Variants in ZNF480 observed in about 807,000 individuals in gnomAD.
ZNF480 encodes the protein zinc finger protein 480.
A neutral mutation model predicts 14.4 loss-of-function variants in ZNF480; 15 were observed. That is an observed-to-expected ratio of 1.04 (90% CI 0.70 to 1.60). ZNF480 has a LOEUF of 1.60. ZNF480 is among the 40% of genes most tolerant of loss of function. The pLI is 0.00. For missense variants in ZNF480, 593 were observed against 629.7 expected, an observed-to-expected ratio of 0.94 and a Z score of 0.62; for synonymous variants, 218 against 215.5, an observed-to-expected ratio of 1.01 and a Z score of -0.10.
At chr19:52,310,418 T>G (rs1983214650) in intron 2 of ZNF480, among the ~76,000 whole-genome samples, 1 of 152,156 alleles carries the variant, frequency 6.6e-6, no homozygotes, top group African/African-American at 2.4e-5. Flanking sequence ...GTTAAAATAA[T>G]TTTGTTAATT....
chr19:52,303,959 C>G (rs1982810955), intron 2 of ZNF480, among the ~76,000 whole-genome samples: 1 of 152,190 alleles, frequency 6.6e-6, no homozygotes, highest in Non-Finnish European at 1.5e-5. Context: ...TATAATTAAA[C>G]TGGCATGAGA....
intron 2 of ZNF480, among the ~76,000 whole-genome samples, chr19:52,312,521 G>A (rs1468946696): frequency 2.0e-5 from 3 of 152,086 alleles, no homozygotes; most frequent in Non-Finnish European, 4.4e-5. Context: ...TTTTTTCTTA[G>A]GTAATTGTCA....
intron 2 of ZNF480, among the ~76,000 whole-genome samples, chr19:52,308,194 C>A (rs774250501): frequency 1.3e-5 from 2 of 151,976 alleles, no homozygotes; most frequent in African/African-American, 4.8e-5. Context: ...TTCACCGTCA[C>A]CTCTCTGTAG....
intron 4 of ZNF480, among the ~76,000 whole-genome samples, 160 bp from the exon 5 acceptor site, chr19:52,321,419 T>C (rs1316503344): frequency 6.6e-6 from 1 of 152,192 alleles, no homozygotes; most frequent in African/African-American, 2.4e-5. Flanking sequence ...GTGCATCACC[T>C]TACCCTTTTC....
chr19:52,304,817 G>A (rs1002843648), intron 2 of ZNF480, among the ~76,000 whole-genome samples: 11 of 152,062 alleles, frequency 7.2e-5, no homozygotes, highest in Non-Finnish European at 4.4e-5. Context: ...ACAATTGGTT[G>A]GCTGGGTGTG....
chr19:52,297,467 C>T (rs1982458338), intron 1 of ZNF480, among the ~76,000 whole-genome samples: 1 of 151,864 alleles, frequency 6.6e-6, no homozygotes, highest in Admixed American at 6.6e-5. Flanking sequence ...GCGGAGTTTT[C>T]CTGTTTCAAG....
intron 2 of ZNF480, among the ~76,000 whole-genome samples, chr19:52,310,860 C>T (rs980485744): frequency 3.3e-5 from 5 of 151,004 alleles, no homozygotes; most frequent in African/African-American, 2.4e-5. Context: ...AAAAAATTAG[C>T]CGGGCATGGT....
intron 1 of ZNF480, among the ~76,000 whole-genome samples, chr19:52,299,954 G>C (rs1311384975): frequency 2.0e-5 from 3 of 152,218 alleles, no homozygotes; most frequent in Non-Finnish European, 4.4e-5. Flanking sequence ...GCATCCAATG[G>C]GGGTCTTGGG....
At chr19:52,316,177 T>A (rs1347264465) in intron 4 of ZNF480, among the ~76,000 whole-genome samples, 1 of 148,094 alleles carries the variant, frequency 6.8e-6, no homozygotes, top group Non-Finnish European at 1.5e-5. Context: ...GAGATCTTTC[T>A]TTCTCTCTCT....
intron 2 of ZNF480, among the ~76,000 whole-genome samples, chr19:52,305,863 AGAGTG>A (rs1448220149): frequency 3.3e-5 from 5 of 152,216 alleles, no homozygotes; most frequent in Non-Finnish European, 5.9e-5. Context: ...CATCAAACTT[AGAGTG>A]ACACTGATTA....
intron 2 of ZNF480, among the ~76,000 whole-genome samples, chr19:52,304,362 A>G (rs1327060508): frequency 6.6e-6 from 1 of 152,182 alleles, no homozygotes; most frequent in Admixed American, 6.5e-5. Context: ...TGGCTCTAAG[A>G]TCTGTCAACA....
At position 52,321,947 on chromosome 19, in the gene ZNF480, T is replaced by G. The variant is rs753063638; in HGVS notation, c.697T>G (p.Cys233Gly). ...VIHTVEKPYK[C>G]NSCGKVFSRN... Reference sequence around the variant, plus strand: ...CCATACTGTAGAGAAACCTTACAAATGTAATTCATGCGGCAAGGTCTTTAG... The same window carrying G: ...CCATACTGTAGAGAAACCTTACAAAGGTAATTCATGCGGCAAGGTCTTTAG... The change falls in exon 5 of 5, where the codon TGT becomes GGT. Residue 233 changes from cysteine (C) to glycine (G), a missense_variant. By Grantham distance (159) the Cys-to-Gly change is radical. Coordinates refer to ENST00000595962, the MANE Select transcript of ZNF480 (RefSeq NM_144684.4). 1.9e-6 allele frequency: 3 copies of G among 1,612,446 alleles called. No individual in the cohort carries two copies. The highest frequency in any genetic ancestry group is 2.5e-6 in the Non-Finnish European group (3 of 1,178,652).
At chr19:52,317,514 G>C (rs1983618281) in intron 4 of ZNF480, 1 of 152,196 alleles carries the variant, frequency 6.6e-6, no homozygotes, top group Admixed American at 6.5e-5. Flanking sequence ...GGGATTACAG[G>C]TGTGTGCCAC....
At chr19:52,302,986 A>T (rs1480084439) in intron 2 of ZNF480, among the ~76,000 whole-genome samples, 1 of 152,228 alleles carries the variant, frequency 6.6e-6, no homozygotes, top group African/African-American at 2.4e-5. Context: ...TTCTATTCCT[A>T]ACTGTGGTTT....
chr19:52,307,366 G>A (rs1982985739), intron 2 of ZNF480: 1 of 152,180 alleles, frequency 6.6e-6, no homozygotes, highest in South Asian at 2.1e-4. Context: ...TTACCCTGAT[G>A]CTTCTGAGCT....
rs549836849 is a variant in ZNF480 at position 52,311,343 on chromosome 19, C to A, written c.73-2810C>A. 1.6e-4 allele frequency among the ~76,000 whole-genome samples: 25 copies of A among 151,856 alleles called. No individual in the cohort carries two copies. The South Asian group carries it at 5.0e-3, about 30-fold the overall frequency. On this transcript the variant is annotated intron_variant, in intron 2 of 4. Transcript: ENST00000595962. ...AATTTTTTAAAATATTATATATAATCATATTTTTTATATCAATAAAGATGG... is the reference window on the plus strand; with the variant it reads ...AATTTTTTAAAATATTATATATAATAATATTTTTTATATCAATAAAGATGG...
At chr19:52,313,536 A>G (rs1453596707) in intron 2 of ZNF480, among the ~76,000 whole-genome samples, 2 of 152,128 alleles carry the variant, frequency 1.3e-5, no homozygotes, top group African/African-American at 4.8e-5. Flanking sequence ...TATTCAGATC[A>G]GGTAGATACT....
At chr19:52,318,050 G>A (rs1484032648) in intron 4 of ZNF480, among the ~76,000 whole-genome samples, 3 of 151,348 alleles carry the variant, frequency 2.0e-5, no homozygotes, top group Non-Finnish European at 4.4e-5. Context: ...TTCTTAATTC[G>A]TTATTTGTTT....
In ZNF480 at chr19:52,322,522, G is replaced by A. The variant is rs1326127052; in HGVS notation, c.1272G>A (p.Glu424=). The change falls in exon 5 of 5, where the codon GAG becomes GAA. Residue 424 remains glutamate, a synonymous_variant. Coordinates refer to ENST00000595962, the MANE Select transcript of ZNF480 (RefSeq NM_144684.4). ...LARHRRIHTG[E]KPYKCNECGK... is the part of the protein sequence containing the mutation. ...GACATCGAAGAATTCATACTGGAGAGAAGCCTTACAAATGTAATGAATGTG... is the reference window on the plus strand; with the variant it reads ...GACATCGAAGAATTCATACTGGAGAAAAGCCTTACAAATGTAATGAATGTG... 6.2e-7 allele frequency: 1 copy of A among 1,614,136 alleles called. No homozygotes were observed. The highest frequency in any genetic ancestry group is 1.1e-5 in the South Asian group (1 of 91,078).
Sources: gnomAD v4.1 joint callset for allele counts (sites outside exome capture counted in the v4.1 genomes callset) on GRCh38, gnomAD v4.1.1 for gene constraint, MANE v1.5 for transcripts, NCBI Gene and HGNC (gene_info 2026-07-23, HGNC 2026-07-21) for gene names.